Variants in ESRRG observed in about 807,000 individuals in gnomAD.
ESRRG encodes the protein estrogen related receptor gamma, also known as estrogen-related receptor gamma.
A neutral mutation model predicts 44.0 loss-of-function variants in ESRRG; 13 were observed. That is an observed-to-expected ratio of 0.30 (90% CI 0.19 to 0.47). ESRRG has a LOEUF of 0.47. Ranked by LOEUF, ESRRG falls within the 20% of genes least tolerant of loss-of-function variation. The pLI is 1.00. For missense variants in ESRRG, 395 were observed against 580.6 expected (o/e 0.68, Z 3.29); for synonymous variants, 215 against 214.6 (o/e 1.00, Z -0.02).
intron 5 of ESRRG, among the ~76,000 whole-genome samples, chr1:216,545,815 A>AT (rs957148467): frequency 3.3e-5 from 5 of 152,008 alleles, no homozygotes; most frequent in African/African-American, 1.2e-4. Context: ...AGAGTTCACT[A>AT]TTTTTTCTGT....
At chr1:216,528,572 C>T (rs749254077) in intron 5 of ESRRG, among the ~76,000 whole-genome samples, 6 of 152,102 alleles carry the variant, frequency 3.9e-5, no homozygotes, top group Non-Finnish European at 7.4e-5. Context: ...CTAGTGAAGT[C>T]ATGGATGAAA....
At chr1:217,105,340 A>G (rs2092576321) in intron 1 of ESRRG, among the ~76,000 whole-genome samples, 1 of 152,206 alleles carries the variant, frequency 6.6e-6, no homozygotes, top group Non-Finnish European at 1.5e-5. Flanking sequence ...ATTATTTTTA[A>G]CATCACAATA....
chr1:216,789,246 T>C (rs1409822586), intron 2 of ESRRG, among the ~76,000 whole-genome samples: 1 of 152,114 alleles, frequency 6.6e-6, no homozygotes, highest in East Asian at 1.9e-4. Flanking sequence ...CAAACTTCAT[T>C]GTCGTCTTAT....
At chr1:216,809,156 A>G (rs2094891395) in intron 2 of ESRRG, among the ~76,000 whole-genome samples, 1 of 152,136 alleles carries the variant, frequency 6.6e-6, no homozygotes, top group Non-Finnish European at 1.5e-5. Context: ...AATGTTAGTG[A>G]TAAGTCAAGA....
chr1:216,580,924 T>C (rs2062650140), intron 3 of ESRRG, among the ~76,000 whole-genome samples: 1 of 152,226 alleles, frequency 6.6e-6, no homozygotes, highest in African/African-American at 2.4e-5. Flanking sequence ...CTTTTGTTCT[T>C]GATGATAATA....
At chr1:217,106,786 G>A (rs1265702441) in intron 1 of ESRRG, among the ~76,000 whole-genome samples, 1 of 152,020 alleles carries the variant, frequency 6.6e-6, no homozygotes. Flanking sequence ...AACCTCCTTT[G>A]CCTGACTTTG....
chr1:216,560,361 T>C (rs2058487350), intron 5 of ESRRG, among the ~76,000 whole-genome samples: 11 of 152,160 alleles, frequency 7.2e-5, no homozygotes, highest in Admixed American at 7.2e-4. Flanking sequence ...ACCTGAAGAT[T>C]TGCCATATTA....
chr1:216,516,110 G>A (rs1033114468), intron 6 of ESRRG, among the ~76,000 whole-genome samples: 1 of 151,990 alleles, frequency 6.6e-6, no homozygotes, highest in African/African-American at 2.4e-5. Context: ...TTAAAATTCA[G>A]TTGCACAGAG....
intron 1 of ESRRG, among the ~76,000 whole-genome samples, chr1:216,700,545 G>A (rs1439255408): frequency 6.6e-6 from 1 of 151,942 alleles, no homozygotes; most frequent in African/African-American, 2.4e-5. Context: ...CATATAAGCT[G>A]GACTCTCGTA....
intron 2 of ESRRG, among the ~76,000 whole-genome samples, chr1:216,656,607 C>T (rs1043783930): frequency 6.6e-5 from 10 of 152,132 alleles, no homozygotes; most frequent in African/African-American, 2.4e-4. Context: ...CTTTCAGTCA[C>T]TTAATGGACT....
At chr1:217,067,541 G>T (rs2151420388) in intron 1 of ESRRG, among the ~76,000 whole-genome samples, 1 of 152,274 alleles carries the variant, frequency 6.6e-6, no homozygotes, top group South Asian at 2.1e-4. Flanking sequence ...AGTTTGTTCA[G>T]TCTGCCAGTA....
chr1:216,531,990 C>T (rs2049507817), intron 5 of ESRRG, among the ~76,000 whole-genome samples: 1 of 151,984 alleles, frequency 6.6e-6, no homozygotes, highest in African/African-American at 2.4e-5. Context: ...CAAGGAAATA[C>T]GTGAAGGAAA....
rs187551172 is a variant in ESRRG, at chr1:216,912,217, A to G, written c.-14+27365T>C. On this transcript the variant is annotated intron_variant, in intron 2 of 7. Transcript: ENST00000359162. ...AGAGGAGAGGAGAGGAGAGGAGAGGAGAGGAGAGGAGAGGAGAGGAGAGGA... is the reference window on the plus strand; with the variant it reads ...AGAGGAGAGGAGAGGAGAGGAGAGGGGAGGAGAGGAGAGGAGAGGAGAGGA... Among the ~76,000 whole-genome samples the G allele has an allele frequency of 5.3e-4, 14 of 26,630 alleles. 2 individuals carry two copies. The highest frequency in any genetic ancestry group is 0.022 in the Middle Eastern group (2 of 92). 17.5% of individuals were successfully genotyped at this position (26,630 alleles called of 152,430 possible). A position where few individuals can be genotyped will look rare whatever the true frequency, so the allele number is the denominator to read the frequency against.
At chr1:216,719,680 G>A (rs2085756698) in intron 1 of ESRRG, among the ~76,000 whole-genome samples, 1 of 151,154 alleles carries the variant, frequency 6.6e-6, no homozygotes, top group Admixed American at 6.6e-5. Context: ...GTCAATTTAG[G>A]GAAAAAAACA....
intron 1 of ESRRG, among the ~76,000 whole-genome samples, chr1:216,694,810 G>T (rs1056426392): frequency 3.3e-5 from 5 of 152,018 alleles, no homozygotes; most frequent in Admixed American, 6.5e-5. Context: ...ACCCACCTCG[G>T]TCTCTCCCAA....
intron 1 of ESRRG, among the ~76,000 whole-genome samples, chr1:217,131,031 A>G (rs986517329): frequency 2.0e-5 from 3 of 152,246 alleles, no homozygotes; most frequent in African/African-American, 4.8e-5. Context: ...GGATATGTTG[A>G]AAACAATCTC....
chr1:217,088,746 G>T (rs1019991777), intron 1 of ESRRG, among the ~76,000 whole-genome samples: 1 of 152,002 alleles, frequency 6.6e-6, no homozygotes, highest in Non-Finnish European at 1.5e-5. Context: ...GCTTGGAAAA[G>T]GTTGCCGGAA....
chr1:216,923,618 C>T (rs947122852), intron 2 of ESRRG, among the ~76,000 whole-genome samples: 1 of 152,172 alleles, frequency 6.6e-6, no homozygotes, highest in African/African-American at 2.4e-5. Context: ...GGATCAAGAT[C>T]TTATTCCAGA....
intron 1 of ESRRG, among the ~76,000 whole-genome samples, chr1:217,115,155 G>A (rs2092707883): frequency 6.6e-6 from 1 of 152,126 alleles, no homozygotes; most frequent in Admixed American, 6.5e-5. Flanking sequence ...ATTCTTACCT[G>A]TATTAAAATT....
Sources: gnomAD v4.1 joint callset for allele counts (sites outside exome capture counted in the v4.1 genomes callset) on GRCh38, gnomAD v4.1.1 for gene constraint, MANE v1.5 for transcripts, NCBI Gene and HGNC (gene_info 2026-07-23, HGNC 2026-07-21) for gene names.